The following NUAK1 variants were observed in gnomAD, a reference collection of about 807,000 sequenced individuals.
NUAK1 encodes NUAK family kinase 1.
A neutral mutation model predicts 56.9 loss-of-function variants in NUAK1; 26 were observed. The observed-to-expected ratio is 0.46, with a 90% CI of 0.33 to 0.63. The LOEUF is 0.63. Among genes scored for constraint, NUAK1 ranks in the 30% least tolerant of loss-of-function variants. The pLI is 0.02. For missense variants in NUAK1, 727 were observed against 876.1 expected (o/e 0.83, Z 2.15); for synonymous variants, 337 against 336.0 (o/e 1.00, Z -0.03).
chr12:106,113,980 A>G (rs1431266765), intron 1 of NUAK1, among the ~76,000 whole-genome samples: 2 of 152,210 alleles, frequency 1.3e-5, no homozygotes. Flanking sequence ...TGAAAATGCC[A>G]GGCCATTTAG....
chr12:106,098,050 C>T (rs1592854684), intron 2 of NUAK1, among the ~76,000 whole-genome samples: 2 of 152,258 alleles, frequency 1.3e-5, no homozygotes, highest in East Asian at 3.9e-4. Flanking sequence ...GGGGCGATGC[C>T]GTGTACAATA....
Position 106,106,392 on chromosome 12 carries a change from A to G in NUAK1, c.361+13T>C. The G allele has an allele frequency of 6.3e-7, 1 of 1,596,178 alleles. No homozygotes were observed. Reference sequence around the variant, plus strand: ...AACTGATATGGGGGTTAAAAAAAAAAAAAATCACTGACCTTCATAAATACT... The same window carrying G: ...AACTGATATGGGGGTTAAAAAAAAAGAAAATCACTGACCTTCATAAATACT... On this transcript the variant is annotated intron_variant, in intron 2 of 6. Transcript: ENST00000261402.
rs769058986 is a variant in NUAK1 at position 106,138,389 on chromosome 12, C to A, written c.240+25G>T. The A allele has an allele frequency of 1.9e-6, 3 of 1,583,356 alleles. No homozygotes were observed. Among genetic ancestry groups the A allele is most frequent in the South Asian group, 1.2e-5 (1 of 86,822 alleles). On this transcript the variant is annotated intron_variant, in intron 1 of 6. Coordinates refer to ENST00000261402, the MANE Select transcript of NUAK1 (RefSeq NM_014840.3). This position sits in a 1 kb window ranked among gnomAD's most constrained non-coding sequence, Gnocchi z 5.0. ...GGCCGCGTCCACCCAGCGCCCCCCG[C>A]ACCCTCCAGGATTGCCCCACTCACC...
Position 106,138,485 on chromosome 12 carries a change from G to T in NUAK1, c.169C>A (p.Leu57Met). 6.2e-7 allele frequency: 1 copy of T among 1,613,536 alleles called. No individual in the cohort carries two copies. ...HKHNLKHRYELQETLGKGTYG... is the reference protein window; with the variant it reads ...HKHNLKHRYEMQETLGKGTYG... ...GTGCCTTTGCCCAGGGTCTCCTGCA[G>T]CTCGTAGCGGTGCTTCAAGTTGTGC... The change falls in exon 1 of 7, where the codon CTG becomes ATG. Residue 57 changes from leucine (L) to methionine (M), a missense_variant. Leu to Met is a conservative substitution (Grantham distance 15). Transcript: ENST00000261402. The surrounding 1 kb of genome is among the most constrained non-coding windows in gnomAD (Gnocchi z 5.0).
chr12:106,067,556 G>C lies in NUAK1; in HGVS notation c.1232C>G (p.Ser411Cys). 1.9e-6 allele frequency: 3 copies of C among 1,614,254 alleles called. No homozygotes were observed. The highest frequency in any genetic ancestry group is 2.5e-6 in the Non-Finnish European group (3 of 1,180,044). ...ACCTTCAATGAAGCCAGTGCTGTGA[G>C]AGCGATGCTCGCTGTTGCTTCGCTT... Reference protein sequence around the residue: ...LKKRSNSEHRSHSTGFIEGVV... With the variant: ...LKKRSNSEHRCHSTGFIEGVV... The change falls in exon 7 of 7, where the codon TCT becomes TGT. Residue 411 changes from serine (S) to cysteine (C), a missense_variant. Coordinates refer to ENST00000261402, the MANE Select transcript of NUAK1 (RefSeq NM_014840.3). The surrounding 1 kb of genome is among the most constrained non-coding windows in gnomAD (Gnocchi z 6.0).
Position 106,063,588 on chromosome 12 carries a change from T to C in NUAK1, c.*3214A>G, listed in dbSNP as rs1428476633. The C allele has an allele frequency of 6.6e-6, 1 of 152,492 alleles. No homozygotes were observed. The highest frequency in any genetic ancestry group is 1.9e-4 in the East Asian group (1 of 5,192). 9.4% of individuals were successfully genotyped at this position (152,492 alleles called of 1,614,324 possible). ...ATTATTATAATACCTTTGAAATGCC[T>C]TTCAGACCAATAAATAAAAAAGACA... On this transcript the variant is annotated 3_prime_UTR_variant, in exon 7 of 7. Transcript: ENST00000261402.
chr12:106,080,082 C>G (rs117964935), intron 4 of NUAK1, among the ~76,000 whole-genome samples: 1,712 of 152,308 alleles, frequency 0.011, 12 homozygotes, highest in Non-Finnish European at 0.018. Context: ...CATGCATGAA[C>G]ACAGAGCTCT....
chr12:106,136,964 G>A (rs1420818706), intron 1 of NUAK1, among the ~76,000 whole-genome samples: 4 of 152,156 alleles, frequency 2.6e-5, no homozygotes, highest in African/African-American at 9.7e-5. Flanking sequence ...CCTGCCCAGA[G>A]TGAATTCTCA....
chr12:106,094,870 C>T (rs763806137), intron 2 of NUAK1, among the ~76,000 whole-genome samples: 47 of 152,148 alleles, frequency 3.1e-4, no homozygotes, highest in Non-Finnish European at 5.6e-4. Context: ...ATATCCAATC[C>T]TAGGAAGGCA....
In NUAK1 at chr12:106,086,808, GCTC is replaced by G; in HGVS notation, c.436_438del (p.Glu146del). Reference sequence around the variant, plus strand: ...GTCTCCCTCTCACTGAGGCGTCGCCGCTCACTGATGTAATCGTACAGCTCCCCT... The same window carrying G: ...GTCTCCCTCTCACTGAGGCGTCGCCGACTGATGTAATCGTACAGCTCCCCT... On this transcript the variant is annotated inframe_deletion, in exon 3 of 7. Coordinates refer to ENST00000261402, the MANE Select transcript of NUAK1 (RefSeq NM_014840.3). The G allele has an allele frequency of 6.2e-7, 1 of 1,613,994 alleles. No individual in the cohort carries two copies.
chr12:106,102,142 C>A (rs1230922338), intron 2 of NUAK1, among the ~76,000 whole-genome samples: 3 of 152,318 alleles, frequency 2.0e-5, no homozygotes, highest in Admixed American at 1.3e-4. Context: ...ACATGTAAGA[C>A]CCCGAGAGTT....
At chr12:106,090,789 A>G (rs2032627291) in intron 2 of NUAK1, among the ~76,000 whole-genome samples, 2 of 152,174 alleles carry the variant, frequency 1.3e-5, no homozygotes, top group African/African-American at 4.8e-5. Flanking sequence ...TCAGCCACTT[A>G]GGCAGCTCTA....
intron 3 of NUAK1, 21 bp downstream of exon 3, chr12:106,086,713 G>A: frequency 6.3e-7 from 1 of 1,591,354 alleles, no homozygotes; most frequent in Non-Finnish European, 8.6e-7. Flanking sequence ...GGCCAAAGCT[G>A]CGGGCCAGGC....
At chr12:106,075,203 C>T (rs1444596320) in intron 4 of NUAK1, among the ~76,000 whole-genome samples, 1 of 151,952 alleles carries the variant, frequency 6.6e-6, no homozygotes, top group African/African-American at 2.4e-5. Flanking sequence ...CCCAGTAAAA[C>T]TGTCATTGCC....
chr12:106,119,124 T>C (rs2032948655), intron 1 of NUAK1, among the ~76,000 whole-genome samples: 1 of 152,254 alleles, frequency 6.6e-6, no homozygotes, highest in Non-Finnish European at 1.5e-5. Flanking sequence ...ATCTGTCACT[T>C]GAGCAACATA....
chr12:106,121,804 C>T (rs1228101298), intron 1 of NUAK1, among the ~76,000 whole-genome samples: 2 of 152,054 alleles, frequency 1.3e-5, no homozygotes, highest in Non-Finnish European at 2.9e-5. Context: ...TCCTGAAAAG[C>T]AGGTATGAAC....
intron 2 of NUAK1, 33 bp from the exon 3 acceptor site, chr12:106,086,918 C>T: frequency 6.3e-7 from 1 of 1,595,780 alleles, no homozygotes; most frequent in Non-Finnish European, 8.6e-7. Flanking sequence ...CACAAACACC[C>T]CGTTTAGCCA....
intron 1 of NUAK1, among the ~76,000 whole-genome samples, chr12:106,117,491 C>G (rs1200781210): frequency 1.3e-5 from 2 of 152,246 alleles, no homozygotes; most frequent in Non-Finnish European, 2.9e-5. Context: ...CTCTCTCACA[C>G]TGCGTGCCTT....
At chr12:106,135,657 G>T (rs772931347) in intron 1 of NUAK1, among the ~76,000 whole-genome samples, 1 of 152,192 alleles carries the variant, frequency 6.6e-6, no homozygotes, top group African/African-American at 2.4e-5. Flanking sequence ...CCTCTTGAGA[G>T]ATGCTGTAAA....
Sources: gnomAD v4.1 joint callset for allele counts (sites outside exome capture counted in the v4.1 genomes callset) on GRCh38, gnomAD v4.1.1 for gene constraint, Gnocchi (gnomAD v3.1) non-coding constraint, MANE v1.5 for transcripts, NCBI Gene and HGNC (gene_info 2026-07-23, HGNC 2026-07-21) for gene names.